IL1RAPL1: variants seen among roughly 807,000 people sequenced by gnomAD.
IL1RAPL1 encodes interleukin-1 receptor accessory protein-like 1.
IL1RAPL1 carries 3 observed loss-of-function variants against 48.4 expected under a neutral mutation model. That is an observed-to-expected ratio of 0.06 (90% CI 0.03 to 0.16). The LOEUF (loss-of-function observed/expected upper bound fraction) is 0.16. Among genes scored for constraint, IL1RAPL1 ranks in the 10% least tolerant of loss-of-function variants. The pLI is 1.00. For missense variants in IL1RAPL1, 349 were observed against 530.6 expected, an observed-to-expected ratio of 0.66 and a Z score of 3.36; for synonymous variants, 185 against 187.7, an observed-to-expected ratio of 0.99 and a Z score of 0.12.
chrX:29,213,841 A>G (rs1397734297), intron 2 of IL1RAPL1, among the ~76,000 whole-genome samples: 2 of 111,468 alleles, frequency 1.8e-5, no homozygotes, highest in Non-Finnish European at 3.8e-5. Flanking sequence ...TTCCCCTACA[A>G]TTTTCTTTGA....
chrX:29,042,894 C>T (rs985079876), intron 2 of IL1RAPL1, among the ~76,000 whole-genome samples: 4 of 112,045 alleles, frequency 3.6e-5, no homozygotes, highest in African/African-American at 1.3e-4. Context: ...ACTACTTGGA[C>T]TTTCTACGAA....
At chrX:29,107,303 T>C (rs1325890750) in intron 2 of IL1RAPL1, among the ~76,000 whole-genome samples, 1 of 112,520 alleles carries the variant, frequency 8.9e-6, no homozygotes, top group Non-Finnish European at 1.9e-5. Flanking sequence ...GTTTAATGTA[T>C]GCAAACTTAC....
intron 5 of IL1RAPL1, among the ~76,000 whole-genome samples, chrX:29,657,945 C>T (rs1925735168): frequency 9.3e-6 from 1 of 108,103 alleles, no homozygotes; most frequent in African/African-American, 3.4e-5. Flanking sequence ...GCTTCATCAT[C>T]ATTTATCTCA....
At chrX:29,087,919 C>T (rs1237466513) in intron 2 of IL1RAPL1, among the ~76,000 whole-genome samples, 1 of 111,728 alleles carries the variant, frequency 9.0e-6, no homozygotes, top group African/African-American at 3.3e-5. Flanking sequence ...GTAGCCCCAG[C>T]TATTCAGGAG....
At chrX:29,264,459 T>C (rs1931917078) in intron 2 of IL1RAPL1, among the ~76,000 whole-genome samples, 1 of 110,602 alleles carries the variant, frequency 9.0e-6, no homozygotes, top group African/African-American at 3.3e-5. Flanking sequence ...GAAGGGAAAT[T>C]TACTAAGTTC....
chrX:29,686,534 GATTTATTTATTT>G (rs71956626), intron 6 of IL1RAPL1, among the ~76,000 whole-genome samples: 18 of 83,332 alleles, frequency 2.2e-4, no homozygotes, highest in East Asian at 3.9e-4. Flanking sequence ...CCCCCCTAAA[GATTTATTTATTT>G]ATTTATTTAT....
intron 5 of IL1RAPL1, among the ~76,000 whole-genome samples, chrX:29,576,537 T>G (rs1296151798): frequency 8.9e-6 from 1 of 111,769 alleles, no homozygotes; most frequent in African/African-American, 3.3e-5. Context: ...TTTGGTCCCC[T>G]GTAATCCTTA....
chrX:28,902,637 C>T (rs978451719), intron 2 of IL1RAPL1, among the ~76,000 whole-genome samples: 11 of 111,841 alleles, frequency 9.8e-5, no homozygotes, highest in African/African-American at 3.6e-4. Flanking sequence ...TTTATCTACT[C>T]TTCAAAACTA....
At chrX:29,380,209 G>T (rs1399366222) in intron 3 of IL1RAPL1, among the ~76,000 whole-genome samples, 2 of 108,398 alleles carry the variant, frequency 1.8e-5, no homozygotes, top group African/African-American at 3.4e-5. Flanking sequence ...CTCAAATGTT[G>T]TTGAGGGTTT....
chrX:29,902,552 G>A (rs762029015), intron 6 of IL1RAPL1, among the ~76,000 whole-genome samples: 29 of 110,489 alleles, frequency 2.6e-4, no homozygotes, highest in Admixed American at 4.8e-4. Context: ...AGTTCACTGC[G>A]CAGCCCTCTG....
intron 1 of IL1RAPL1, among the ~76,000 whole-genome samples, chrX:28,654,213 A>C (rs1484841928): frequency 1.9e-5 from 2 of 104,896 alleles, no homozygotes; most frequent in South Asian, 4.2e-4. Flanking sequence ...TAAAAAAAAA[A>C]ACACACACGA....
chrX:29,803,172 C>T (rs775948518), intron 6 of IL1RAPL1, among the ~76,000 whole-genome samples: 1 of 57,625 alleles, frequency 1.7e-5, no homozygotes. Flanking sequence ...TACACATATG[C>T]ATACATATAT....
intron 6 of IL1RAPL1, among the ~76,000 whole-genome samples, chrX:29,864,068 A>C (rs1171667205): frequency 2.7e-5 from 3 of 112,246 alleles, no homozygotes; most frequent in East Asian, 2.8e-4. Flanking sequence ...TACAGGCGTG[A>C]GCCACCGTGC....
intron 2 of IL1RAPL1, among the ~76,000 whole-genome samples, chrX:28,971,127 G>T (rs1360980370): frequency 9.0e-6 from 1 of 110,907 alleles, no homozygotes. Context: ...CCTTGGCCAG[G>T]GTATGATGGA....
chrX:29,921,391 A>T (rs982187315), intron 8 of IL1RAPL1, among the ~76,000 whole-genome samples: 1 of 111,907 alleles, frequency 8.9e-6, no homozygotes, highest in African/African-American at 3.2e-5. Flanking sequence ...ATTGGGCAAT[A>T]GATTCCCTTT....
intron 2 of IL1RAPL1, among the ~76,000 whole-genome samples, chrX:29,029,070 C>G (rs1354952132): frequency 9.0e-6 from 1 of 111,314 alleles, no homozygotes; most frequent in Non-Finnish European, 1.9e-5. Context: ...CACAAGGTGG[C>G]AAGAAGGAGA....
chrX:28,676,470 C>T (rs1021785812), intron 1 of IL1RAPL1, among the ~76,000 whole-genome samples: 5 of 111,650 alleles, frequency 4.5e-5, no homozygotes, highest in African/African-American at 9.8e-5. Flanking sequence ...TGGTGGCTCA[C>T]GCCTGTAATC....
intron 5 of IL1RAPL1, among the ~76,000 whole-genome samples, chrX:29,608,813 G>A (rs6630919): frequency 0.28 from 29,331 of 106,124 alleles, 3,648 homozygotes; most frequent in South Asian, 0.39. Context: ...GCGACAGAGC[G>A]AGACTCCGTC....
chrX:28,729,343 T>C (rs1413948869), intron 1 of IL1RAPL1, among the ~76,000 whole-genome samples: 1 of 111,542 alleles, frequency 9.0e-6, no homozygotes, highest in Non-Finnish European at 1.9e-5. Flanking sequence ...ACATAGTTAA[T>C]CTGTTTGAAG....
Sources: gnomAD v4.1 joint callset for allele counts (sites outside exome capture counted in the v4.1 genomes callset) on GRCh38, gnomAD v4.1.1 for gene constraint, MANE v1.5 for transcripts, NCBI Gene and HGNC (gene_info 2026-07-23, HGNC 2026-07-21) for gene names.